The following RNLS variants were observed in gnomAD, a reference collection of about 807,000 sequenced individuals.
RNLS encodes renalase.
RNLS carries 39 observed loss-of-function variants against 39.8 expected under a neutral mutation model. The ratio of observed to expected loss-of-function variants is 0.98; its 90% CI spans 0.76 to 1.28. RNLS has a LOEUF of 1.28. Ranked by LOEUF, RNLS falls within the 50% of genes most tolerant of loss-of-function variation. The pLI is 0.00. For missense variants in RNLS, 410 were observed against 413.3 expected, an observed-to-expected ratio of 0.99 and a Z score of 0.07; for synonymous variants, 147 against 150.7, an observed-to-expected ratio of 0.98 and a Z score of 0.18.
chr10:88,424,774 A>T (rs1377394889), intron 4 of RNLS, among the ~76,000 whole-genome samples: 1 of 152,146 alleles, frequency 6.6e-6, no homozygotes, highest in African/African-American at 2.4e-5. Context: ...AATGCAGAGT[A>T]AGGAAAATGC....
chr10:88,270,977 C>T (rs1842634242), downstream of RNLS, among the ~76,000 whole-genome samples: 1 of 152,194 alleles, frequency 6.6e-6, no homozygotes. Flanking sequence ...TGTTCATGAA[C>T]TGCTCTTGGC....
the RNLS span, among the ~76,000 whole-genome samples, chr10:88,205,420 C>A: frequency 3.9e-5 from 6 of 152,180 alleles, no homozygotes; most frequent in Admixed American, 1.3e-4. Flanking sequence ...AATCAACAGA[C>A]CCCATGTTGT....
intron 4 of RNLS, among the ~76,000 whole-genome samples, chr10:88,469,977 T>C (rs1434385715): frequency 6.6e-6 from 1 of 151,808 alleles, no homozygotes; most frequent in African/African-American, 2.4e-5. Flanking sequence ...ATATCTCATA[T>C]ATATTTATAT....
At chr10:88,335,278 C>A (rs1465046896) in intron 5 of RNLS, among the ~76,000 whole-genome samples, 5 of 150,740 alleles carry the variant, frequency 3.3e-5, no homozygotes, top group Non-Finnish European at 5.9e-5. Flanking sequence ...AGTGCAGTGG[C>A]TCAATTTTGG....
At chr10:88,564,432 A>C (rs1321671242) in intron 4 of RNLS, among the ~76,000 whole-genome samples, 2 of 152,060 alleles carry the variant, frequency 1.3e-5, no homozygotes. Context: ...TGAAAATCAG[A>C]GGGTGGGGGG....
chr10:88,192,085 C>CA, the RNLS span, among the ~76,000 whole-genome samples: 211 of 152,134 alleles, frequency 1.4e-3, no homozygotes, highest in Non-Finnish European at 1.9e-3. Flanking sequence ...GGCACTTTCT[C>CA]AACAAAAGAG....
chr10:88,438,857 TTAA>T (rs1789847024), intron 4 of RNLS, among the ~76,000 whole-genome samples: 1 of 152,204 alleles, frequency 6.6e-6, no homozygotes, highest in Non-Finnish European at 1.5e-5. Context: ...CAGGCTGCAC[TTAA>T]TATATATATC....
chr10:88,287,161 T>G (rs1469927214), intron 6 of RNLS, among the ~76,000 whole-genome samples: 1 of 152,110 alleles, frequency 6.6e-6, no homozygotes, highest in Non-Finnish European at 1.5e-5. Flanking sequence ...TTATATTTGC[T>G]TTTTTAAAAG....
At chr10:88,468,746 AAAT>A (rs1347868726) in intron 4 of RNLS, among the ~76,000 whole-genome samples, 2 of 152,254 alleles carry the variant, frequency 1.3e-5, no homozygotes, top group African/African-American at 4.8e-5. Flanking sequence ...TATAGGTAAG[AAAT>A]AACCATCACT....
At chr10:88,296,052 A>G (rs1193604523) in intron 6 of RNLS, among the ~76,000 whole-genome samples, 1 of 152,200 alleles carries the variant, frequency 6.6e-6, no homozygotes, top group Non-Finnish European at 1.5e-5. Context: ...AGCAAGTTGT[A>G]GTATATTCAT....
At chr10:88,412,626 G>A (rs138707192) in intron 4 of RNLS, among the ~76,000 whole-genome samples, 1,595 of 152,214 alleles carry the variant, frequency 0.01, 14 homozygotes, top group Non-Finnish European at 0.014. Context: ...CATATATGGC[G>A]TCATAGGAAG....
chr10:88,413,180 C>A lies in RNLS; in HGVS notation c.527-50455G>T, dbSNP rs7475298. Among the ~76,000 whole-genome samples, 177 of 152,258 alleles carry A rather than the reference C, an allele frequency of 1.2e-3. 4 individuals carry two copies. In the East Asian group the frequency reaches 0.029, roughly 25 times the overall value. ...GCTTCCAGATACCTTGCTCCCATAT[C>A]CTTCTGCTCTAGTAGTAAATGTCTT... is the stretch of plus-strand genomic sequence containing the variant. On this transcript the variant is annotated intron_variant, in intron 4 of 6. Transcript: ENST00000331772.
At chr10:88,411,497 T>C (rs1389199598) in intron 4 of RNLS, among the ~76,000 whole-genome samples, 3 of 151,974 alleles carry the variant, frequency 2.0e-5, no homozygotes, top group Non-Finnish European at 4.4e-5. Flanking sequence ...CTCTCACATT[T>C]GGACTGACTT....
At chr10:88,544,809 T>G (rs1309099565) in intron 4 of RNLS, among the ~76,000 whole-genome samples, 1 of 152,192 alleles carries the variant, frequency 6.6e-6, no homozygotes, top group East Asian at 1.9e-4. Context: ...CTTTCATGGC[T>G]TTGGTGGGAA....
chr10:88,249,713 T>TG, the RNLS span, among the ~76,000 whole-genome samples: 1 of 152,090 alleles, frequency 6.6e-6, no homozygotes, highest in African/African-American at 2.4e-5. Flanking sequence ...AGCCTCAGAG[T>TG]GGTCAGTCTG....
intron 4 of RNLS, among the ~76,000 whole-genome samples, chr10:88,413,636 T>C (rs766494440): frequency 6.6e-5 from 10 of 152,168 alleles, no homozygotes; most frequent in Non-Finnish European, 1.2e-4. Flanking sequence ...GGTGAAATGA[T>C]GGGGGTTGTA....
chr10:88,334,904 A>C (rs1244937779), intron 5 of RNLS, among the ~76,000 whole-genome samples: 1 of 152,200 alleles, frequency 6.6e-6, no homozygotes, highest in East Asian at 1.9e-4. Flanking sequence ...CTTGTCCCAG[A>C]AGGAAAAAAC....
chr10:88,495,976 G>A (rs1006426334), intron 4 of RNLS, among the ~76,000 whole-genome samples: 2 of 152,108 alleles, frequency 1.3e-5, no homozygotes, highest in Non-Finnish European at 2.9e-5. Context: ...TTAAAAAGTC[G>A]TGGTTGGGGA....
chr10:88,221,612 C>A, the RNLS span, among the ~76,000 whole-genome samples: 1 of 152,218 alleles, frequency 6.6e-6, no homozygotes, highest in Non-Finnish European at 1.5e-5. Context: ...CTGTGAGCAT[C>A]AATTATCACT....
Sources: gnomAD v4.1 joint callset for allele counts (sites outside exome capture counted in the v4.1 genomes callset) on GRCh38, gnomAD v4.1.1 for gene constraint, MANE v1.5 for transcripts, NCBI Gene and HGNC (gene_info 2026-07-23, HGNC 2026-07-21) for gene names.